CCNT2: variants seen among roughly 807,000 people sequenced by gnomAD.
CCNT2 encodes cyclin T2.
CCNT2 carries 18 observed loss-of-function variants against 70.0 expected under a neutral mutation model. That is an observed-to-expected ratio of 0.26 (90% CI 0.18 to 0.38). The LOEUF is 0.38. CCNT2 is among the 10% of genes least tolerant of loss of function. The pLI is 1.00. For synonymous variants in CCNT2, 334 were observed against 313.3 expected, an observed-to-expected ratio of 1.07 and a Z score of -0.70; for missense variants, 734 against 890.2, an observed-to-expected ratio of 0.82 and a Z score of 2.23.
Position 134,918,854 on chromosome 2 carries a change from C to A in CCNT2, c.-1C>A, listed in dbSNP as rs759962696. On this transcript the variant is annotated 5_prime_UTR_variant, in exon 1 of 9. Coordinates refer to ENST00000264157, the MANE Select transcript of CCNT2 (RefSeq NM_058241.3). ...AAGGAGCGGGCGGAGGAGGAAGTGT[C>A]ATGGCGTCGGGCCGTGGAGCTTCTT... 11 of 1,612,098 alleles carry A rather than the reference C, an allele frequency of 6.8e-6. No homozygotes were observed. Among genetic ancestry groups the A allele is most frequent in the African/African-American group, 1.3e-5 (1 of 74,874 alleles).
intron 2 of CCNT2, among the ~76,000 whole-genome samples, chr2:134,928,705 T>C (rs1680495004): frequency 6.6e-6 from 1 of 152,080 alleles, no homozygotes; most frequent in African/African-American, 2.4e-5. Context: ...CACACTAATC[T>C]TAAACTGAGG....
Position 134,954,387 on chromosome 2 carries a change from A to C in CCNT2, c.1932A>C (p.Ser644=). ...AAAGTTCCAAAAGTTCAGGTAGTTC[A>C]TCTAGTTCTTCCTCCTCTGTTAAGC... is the stretch of plus-strand genomic sequence containing the variant. ...MSKSSKSSGS[S]SSSSSSVKQY... is the part of the protein sequence containing the mutation. Residue 644 remains serine (S), a synonymous_variant, in exon 9 of 9, where the codon TCA becomes TCC. Coordinates refer to ENST00000264157, the MANE Select transcript of CCNT2 (RefSeq NM_058241.3). The C allele has an allele frequency of 6.2e-7, 1 of 1,614,176 alleles. No homozygotes were observed. The highest frequency in any genetic ancestry group is 8.5e-7 in the Non-Finnish European group (1 of 1,180,004).
chr2:134,919,820 A>T lies in CCNT2; in HGVS notation c.169A>T (p.Thr57Ser). Residue 57 changes from threonine (T) to serine (S), a missense_variant, in exon 2 of 9, where the codon ACA becomes TCA. By Grantham distance (58) the Thr-to-Ser change is moderately conservative. Around this residue, in one of 3 missense-constraint regions of CCNT2, gnomAD observed 161 missense variants for 303.8 expected, o/e 0.53. Transcript: ENST00000264157. ...MGQRLNVSQL[T>S]INTAIVYMHR... ...AATATTACGTTCCAGCTCTCAGCTT[A>T]CAATAAACACTGCGATTGTTTATAT... 1 of 1,610,372 alleles carries T rather than the reference A, an allele frequency of 6.2e-7. No individual in the cohort carries two copies. Among genetic ancestry groups the T allele is most frequent in the Non-Finnish European group, 8.5e-7 (1 of 1,177,776 alleles).
chr2:134,945,113 A>G, intron 5 of CCNT2: 13 of 985,110 alleles, frequency 1.3e-5, no homozygotes, highest in Non-Finnish European at 1.6e-5. Context: ...ATGCTTTGAC[A>G]CTCTTCCTTA....
At chr2:134,936,487 C>T (rs1310421149) in intron 2 of CCNT2, among the ~76,000 whole-genome samples, 2 of 152,246 alleles carry the variant, frequency 1.3e-5, no homozygotes, top group East Asian at 3.9e-4. Context: ...GGTACAGGGG[C>T]TTATGCCTGT....
chr2:134,929,613 C>CAGAGAGGGAGAGAGAGAGAGAGAGAGAG (rs1680576169), intron 2 of CCNT2, among the ~76,000 whole-genome samples: 1 of 117,620 alleles, frequency 8.5e-6, no homozygotes, highest in Non-Finnish European at 1.6e-5. Flanking sequence ...GTCTCAAAAA[C>CAGAGAGGGAGAGAGAGAGAGAGAGAGAG]AGAGAGAGAG....
At chr2:134,946,039 C>CT in intron 5 of CCNT2, 62 bp from the exon 6 acceptor site, 3 of 1,604,684 alleles carry the variant, frequency 1.9e-6, no homozygotes, top group Non-Finnish European at 2.5e-6. Flanking sequence ...GTGTTGAGAA[C>CT]TTTTTGATTG....
rs1682878439 is a variant in CCNT2 at position 134,955,605 on chromosome 2, TC to T, written c.*959del. The T allele has an allele frequency of 6.6e-6, 1 of 152,652 alleles. No homozygotes were observed. The highest frequency in any genetic ancestry group is 2.4e-5 in the African/African-American group (1 of 41,452). The allele number at this position is 152,652 out of a possible 1,614,324, so 9.5% of individuals were successfully genotyped here. A position where few individuals can be genotyped will look rare whatever the true frequency, so the allele number is the denominator to read the frequency against. Reference sequence around the variant, plus strand: ...CCTAGTAGAGATTTAGTGAGTTGTTTCCTTTAAAGAATTTTACACTACATAT... The same window carrying T: ...CCTAGTAGAGATTTAGTGAGTTGTTTCTTTAAAGAATTTTACACTACATAT... On this transcript the variant is annotated 3_prime_UTR_variant, in exon 9 of 9. Transcript: ENST00000264157.
intron 3 of CCNT2, among the ~76,000 whole-genome samples, chr2:134,937,924 AT>A (rs556695628): frequency 6.6e-6 from 1 of 151,824 alleles, no homozygotes; most frequent in Non-Finnish European, 1.5e-5. Flanking sequence ...CAAAAAAAAA[AT>A]TTTTTTTTCT....
rs150103369 is a variant in CCNT2 at position 134,922,992 on chromosome 2, A to G, written c.240+3101A>G. Among the ~76,000 whole-genome samples, 825 of 152,258 alleles carry G rather than the reference A, an allele frequency of 5.4e-3. 4 individuals carry two copies. Among genetic ancestry groups the G allele is most frequent in the South Asian group, 0.019 (93 of 4,822 alleles). On this transcript the variant is annotated intron_variant, in intron 2 of 8. Transcript: ENST00000264157. ...TGTATAATATGCAAGATTTAAAGCT[A>G]TTGTAGGGCCTGGCATGGTAGCTAA...
intron 7 of CCNT2, among the ~76,000 whole-genome samples, chr2:134,951,720 T>A (rs1392885848): frequency 6.6e-6 from 1 of 152,188 alleles, no homozygotes; most frequent in Non-Finnish European, 1.5e-5. Context: ...AAATATTGCA[T>A]AGTTCCCTGT....
chr2:134,934,785 C>T (rs563040040), intron 2 of CCNT2, among the ~76,000 whole-genome samples: 1 of 152,298 alleles, frequency 6.6e-6, no homozygotes, highest in East Asian at 1.9e-4. Flanking sequence ...AATTCTGGAT[C>T]ATCTGACAGG....
rs144088659 is a variant in CCNT2, at chr2:134,943,565, G to A, written c.493+891G>A. On this transcript the variant is annotated intron_variant, in intron 5 of 8. Transcript: ENST00000264157. Reference sequence around the variant, plus strand: ...GAGCATAATACATTTAGTTTGTGATGTGCCTGTTAAGCGTCTTGTTTATAA... The same window carrying A: ...GAGCATAATACATTTAGTTTGTGATATGCCTGTTAAGCGTCTTGTTTATAA... 1.3e-5 allele frequency: 13 copies of A among 985,170 alleles called. No homozygotes were observed. In the African/African-American group the frequency reaches 2.1e-4, roughly 16 times the overall value. 61.0% of individuals were successfully genotyped at this position (985,170 alleles called of 1,614,324 possible).
intron 7 of CCNT2, among the ~76,000 whole-genome samples, chr2:134,949,611 A>G (rs1034535690): frequency 1.3e-5 from 2 of 152,186 alleles, no homozygotes; most frequent in African/African-American, 4.8e-5. Flanking sequence ...CATGATTATA[A>G]TGTTTTTCTT....
intron 7 of CCNT2, among the ~76,000 whole-genome samples, chr2:134,951,875 T>C (rs534543561): frequency 3.9e-5 from 6 of 152,290 alleles, no homozygotes; most frequent in African/African-American, 1.4e-4. Flanking sequence ...TAGGATCCCA[T>C]GTTCCATTTA....
intron 4 of CCNT2, among the ~76,000 whole-genome samples, chr2:134,940,907 A>G (rs1211809255): frequency 6.6e-6 from 1 of 152,204 alleles, no homozygotes; most frequent in Non-Finnish European, 1.5e-5. Context: ...ACAGTTGCCC[A>G]TTTCAAGATA....
intron 5 of CCNT2, chr2:134,945,557 G>T (rs111261650): frequency 2.0e-6 from 2 of 985,152 alleles, no homozygotes; most frequent in Non-Finnish European, 1.2e-6. Flanking sequence ...ATCTGTACCC[G>T]TATGCTGTTT....
chr2:134,939,956 G>A (rs564677588), intron 4 of CCNT2, among the ~76,000 whole-genome samples: 11 of 152,284 alleles, frequency 7.2e-5, no homozygotes, highest in African/African-American at 2.6e-4. Context: ...ACTAGGATGT[G>A]GTAGGAAGAA....
In CCNT2 at chr2:134,958,680, T is replaced by G. The variant is rs1683052720; in HGVS notation, c.*4032T>G. On this transcript the variant is annotated 3_prime_UTR_variant, in exon 9 of 9. Coordinates refer to ENST00000264157, the MANE Select transcript of CCNT2 (RefSeq NM_058241.3). ...AATCAAAAGGTTGCTTTTGTTAGTT[T>G]CCCTGGAGCATCTATTTTTGTAATA... 1 of 152,210 alleles carries G rather than the reference T, an allele frequency of 6.6e-6. No homozygotes were observed. Among genetic ancestry groups the G allele is most frequent in the Non-Finnish European group, 1.5e-5 (1 of 68,040 alleles). The allele number at this position is 152,210 out of a possible 1,614,324, so 9.4% of individuals were successfully genotyped here.
Sources: gnomAD v4.1 joint callset for allele counts (sites outside exome capture counted in the v4.1 genomes callset) on GRCh38, gnomAD v4.1.1 for gene constraint, gnomAD v4.1.1 regional missense constraint, MANE v1.5 for transcripts, NCBI Gene and HGNC (gene_info 2026-07-23, HGNC 2026-07-21) for gene names.